BCAR3: variants seen among roughly 807,000 people sequenced by gnomAD.
BCAR3 encodes the protein BCAR3 adaptor protein, NSP family member, also known as breast cancer anti-estrogen resistance protein 3.
A neutral mutation model predicts 80.1 loss-of-function variants in BCAR3; 37 were observed. That is an observed-to-expected ratio of 0.46 (90% CI 0.36 to 0.61). The LOEUF is 0.61. Among genes scored for constraint, BCAR3 ranks in the 20% least tolerant of loss-of-function variants. The pLI, the probability that BCAR3 is intolerant of heterozygous loss-of-function variation, is 0.00. For missense variants in BCAR3, 978 were observed against 1,068.2 expected (o/e 0.92, Z 1.18); for synonymous variants, 389 against 418.9 (o/e 0.93, Z 0.87).
At chr1:93,635,704 G>C (rs982438720) in intron 3 of BCAR3, among the ~76,000 whole-genome samples, 60 of 152,206 alleles carry the variant, frequency 3.9e-4, no homozygotes, top group African/African-American at 1.4e-3. Flanking sequence ...GATGGCGCTG[G>C]CTCTGCCAAT....
chr1:93,678,083 C>T (rs887482031), intron 1 of BCAR3, among the ~76,000 whole-genome samples: 1 of 152,126 alleles, frequency 6.6e-6, no homozygotes, highest in Non-Finnish European at 1.5e-5. Context: ...CCTGGCTACA[C>T]ATAAGAATCC....
intron 7 of BCAR3, among the ~76,000 whole-genome samples, chr1:93,581,163 G>GAA (rs66616010): frequency 5.7e-5 from 7 of 122,730 alleles, no homozygotes; most frequent in African/African-American, 8.8e-5. Context: ...CCCTGTCTCA[G>GAA]AAAAAAAAAA....
rs924258622 is a variant in BCAR3, at chr1:93,562,095, A to T, written c.*146T>A. On this transcript the variant is annotated 3_prime_UTR_variant, in exon 12 of 12. Coordinates refer to ENST00000260502, the MANE Select transcript of BCAR3 (RefSeq NM_003567.4). Reference sequence around the variant, plus strand: ...ATTCATAAATAAGTGTGCTCTGTGCAATTTACACGTTTAATATCCTGTGGA... The same window carrying T: ...ATTCATAAATAAGTGTGCTCTGTGCTATTTACACGTTTAATATCCTGTGGA... 48 of 737,374 alleles carry T rather than the reference A, an allele frequency of 6.5e-5. No homozygotes were observed. The African/African-American group carries it at 7.5e-4, about 11-fold the overall frequency. 45.7% of individuals were successfully genotyped at this position (737,374 alleles called of 1,614,324 possible). A position where few individuals can be genotyped will look rare whatever the true frequency, so the allele number is the denominator to read the frequency against.
At chr1:93,800,342 G>A (rs1333466561) in intron 2 of BCAR3, among the ~76,000 whole-genome samples, 1 of 152,206 alleles carries the variant, frequency 6.6e-6, no homozygotes, top group East Asian at 1.9e-4. Flanking sequence ...GGGAGGCCAA[G>A]GTGGGCAGAT....
At chr1:93,660,349 T>C (rs1241780376) in intron 2 of BCAR3, among the ~76,000 whole-genome samples, 1 of 152,174 alleles carries the variant, frequency 6.6e-6, no homozygotes, top group African/African-American at 2.4e-5. Flanking sequence ...GTTTTCAAAG[T>C]GATACTGTGA....
intron 3 of BCAR3, among the ~76,000 whole-genome samples, chr1:93,620,847 T>C (rs1042579300): frequency 5.9e-5 from 9 of 152,258 alleles, no homozygotes; most frequent in Admixed American, 5.9e-4. Flanking sequence ...GTGACCCCTC[T>C]GCCCTCTCTA....
At chr1:93,623,455 G>C (rs1048721976) in intron 3 of BCAR3, among the ~76,000 whole-genome samples, 3 of 152,128 alleles carry the variant, frequency 2.0e-5, no homozygotes, top group Non-Finnish European at 4.4e-5. Context: ...AGACCAAACA[G>C]AGTCCTTCCC....
chr1:93,643,545 CAAAAAAAAAAAAAAA>C (rs547667389), intron 2 of BCAR3, among the ~76,000 whole-genome samples: 25 of 22,306 alleles, frequency 1.1e-3, no homozygotes, highest in African/African-American at 1.7e-3. Context: ...GACTCTTTCT[CAAAAAAAAAAAAAAA>C]AAAAAAAAAA....
At chr1:93,763,393 A>G (rs1652025408) in intron 2 of BCAR3, among the ~76,000 whole-genome samples, 1 of 152,242 alleles carries the variant, frequency 6.6e-6, no homozygotes, top group Non-Finnish European at 1.5e-5. Flanking sequence ...TGCCTACTGC[A>G]TGCTAGGCTC....
chr1:93,701,410 C>G (rs967393910), intron 3 of BCAR3, among the ~76,000 whole-genome samples: 2 of 152,206 alleles, frequency 1.3e-5, no homozygotes, highest in African/African-American at 4.8e-5. Context: ...GTTCACCAGG[C>G]TGGGGGAGGG....
intron 5 of BCAR3, among the ~76,000 whole-genome samples, chr1:93,587,234 C>T (rs760969416): frequency 6.6e-6 from 1 of 152,108 alleles, no homozygotes; most frequent in Non-Finnish European, 1.5e-5. Flanking sequence ...CCATGTTGCC[C>T]AAGCTGGTCT....
In BCAR3 at chr1:93,582,914, C is replaced by T. The variant is rs142961077; in HGVS notation, c.1073G>A (p.Ser358Asn). The T allele has an allele frequency of 1.8e-3, 2,964 of 1,603,998 alleles. 3 individuals carry two copies. Among genetic ancestry groups the T allele is most frequent in the Non-Finnish European group, 2.3e-3 (2,707 of 1,179,246 alleles). ...GAACACAGGTGAGTTTGGGCAGGGG[C>T]TTGTGTCCACACCCGAGGACTGAGG... ...LPPQSSGVDT[S>N]PCPNSPVFRT... is the part of the protein sequence containing the mutation. Residue 358 changes from serine (S) to asparagine (N), a missense_variant, in exon 7 of 12, where the codon AGC (serine) becomes AAC (asparagine). Ser to Asn is a conservative substitution (Grantham distance 46). Coordinates refer to ENST00000260502, the MANE Select transcript of BCAR3 (RefSeq NM_003567.4).
intron 2 of BCAR3, among the ~76,000 whole-genome samples, chr1:93,650,659 TAGTA>T (rs1442949065): frequency 6.6e-6 from 1 of 152,142 alleles, no homozygotes; most frequent in Non-Finnish European, 1.5e-5. Flanking sequence ...CACCTGGCAT[TAGTA>T]AGTAATATGT....
At position 93,781,618 on chromosome 1, in the gene BCAR3, G is replaced by T. The variant is rs144649772; in HGVS notation, c.-63+63949C>A. Among the ~76,000 whole-genome samples the T allele has an allele frequency of 2.6e-3, 389 of 152,212 alleles. 1 individual carries two copies. Among genetic ancestry groups the T allele is most frequent in the African/African-American group, 8.8e-3 (366 of 41,506 alleles). Reference sequence around the variant, plus strand: ...GCTCTGGGAGGATAACCTGCCTGAGGTCGCACAACTAGTAAGGTGAGGAGA... The same window carrying T: ...GCTCTGGGAGGATAACCTGCCTGAGTTCGCACAACTAGTAAGGTGAGGAGA... On this transcript the variant is annotated intron_variant, in intron 2 of 13. Coordinates refer to the BCAR3 transcript ENST00000370244.
At chr1:93,570,928 G>A (rs2101806609) in intron 9 of BCAR3, among the ~76,000 whole-genome samples, 1 of 152,306 alleles carries the variant, frequency 6.6e-6, no homozygotes, top group Non-Finnish European at 1.5e-5. Context: ...CAGAGGCTGG[G>A]CGTGGTGCTT....
intron 2 of BCAR3, among the ~76,000 whole-genome samples, chr1:93,650,998 T>A (rs1676307100): frequency 6.6e-6 from 1 of 152,310 alleles, no homozygotes; most frequent in South Asian, 2.1e-4. Flanking sequence ...TCTGGAATAT[T>A]CACTTATACC....
At chr1:93,829,748 G>T (rs1031410941) in intron 2 of BCAR3, among the ~76,000 whole-genome samples, 18 of 152,058 alleles carry the variant, frequency 1.2e-4, no homozygotes, top group African/African-American at 4.3e-4. Context: ...GTTGAGAAAA[G>T]GTACCACACA....
intron 2 of BCAR3, among the ~76,000 whole-genome samples, chr1:93,834,771 T>A (rs970921703): frequency 9.2e-5 from 14 of 152,342 alleles, no homozygotes; most frequent in Middle Eastern, 6.8e-3. Flanking sequence ...GCCCTCTGGC[T>A]CCTTCGGCTA....
intron 3 of BCAR3, among the ~76,000 whole-genome samples, chr1:93,703,609 A>C (rs968992905): frequency 2.0e-5 from 3 of 151,950 alleles, no homozygotes; most frequent in African/African-American, 7.3e-5. Flanking sequence ...CAGGCTTTCA[A>C]ATTATATACA....
Sources: gnomAD v4.1 joint callset for allele counts (sites outside exome capture counted in the v4.1 genomes callset) on GRCh38, gnomAD v4.1.1 for gene constraint, MANE v1.5 for transcripts, NCBI Gene and HGNC (gene_info 2026-07-23, HGNC 2026-07-21) for gene names.